DCTN6: variants seen among roughly 807,000 people sequenced by gnomAD.
DCTN6 encodes dynactin subunit 6.
A neutral mutation model predicts 25.8 loss-of-function variants in DCTN6; 15 were observed. That is an observed-to-expected ratio of 0.58 (90% CI 0.39 to 0.89). DCTN6 has a LOEUF of 0.89. Ranked by LOEUF, DCTN6 falls within the 40% of genes least tolerant of loss-of-function variation. The pLI is 0.00. For missense variants in DCTN6, 198 were observed against 237.6 expected, an observed-to-expected ratio of 0.83 and a Z score of 1.09; for synonymous variants, 64 against 78.3, an observed-to-expected ratio of 0.82 and a Z score of 0.96.
At chr8:30,180,312 AC>A (rs1206669822) in intron 5 of DCTN6, among the ~76,000 whole-genome samples, 175 bp from the exon 6 acceptor site, 1 of 152,182 alleles carries the variant, frequency 6.6e-6, no homozygotes, top group Non-Finnish European at 1.5e-5. Flanking sequence ...AATTCATCTG[AC>A]CCTGGCTTGT....
chr8:30,168,526 A>G (rs972892056), intron 2 of DCTN6, among the ~76,000 whole-genome samples: 2 of 152,208 alleles, frequency 1.3e-5, no homozygotes, highest in Non-Finnish European at 2.9e-5. Context: ...TTAAGTAGCA[A>G]TAAACTGTTG....
Position 30,183,232 on chromosome 8 carries a change from C to A in DCTN6, c.*59C>A, listed in dbSNP as rs1244198606. The A allele has an allele frequency of 7.2e-7, 1 of 1,385,908 alleles. No individual in the cohort carries two copies. The highest frequency in any genetic ancestry group is 1.4e-5 in the African/African-American group (1 of 69,886). The allele number at this position is 1,385,908 out of a possible 1,614,324, so 85.9% of individuals were successfully genotyped here. ...TTTGACCACTGTCTTTTGAATGGGC[C>A]CACAGTGTTTATGTACTCTTAACAA... On this transcript the variant is annotated 3_prime_UTR_variant, in exon 7 of 7. Coordinates refer to ENST00000221114, the MANE Select transcript of DCTN6 (RefSeq NM_006571.4).
chr8:30,174,335 T>G (rs1803803268), intron 2 of DCTN6, among the ~76,000 whole-genome samples: 2 of 152,142 alleles, frequency 1.3e-5, no homozygotes, highest in African/African-American at 4.8e-5. Context: ...TTCTCCTTTT[T>G]TTTTTTTCTT....
chr8:30,177,595 A>T, intron 4 of DCTN6: 1 of 154,272 alleles, frequency 6.5e-6, no homozygotes, highest in South Asian at 2.0e-4. Context: ...TGCACGCCTG[A>T]AATTCCAGTT....
In DCTN6 at chr8:30,180,565, A is replaced by G. The variant is rs138481821; in HGVS notation, c.409A>G (p.Ile137Val). 1.4e-4 allele frequency: 232 copies of G among 1,614,094 alleles called. No individual in the cohort carries two copies. The African/African-American group carries it at 2.7e-3, about 19-fold the overall frequency. The stretch of plus-strand genomic sequence containing the variant: ...TTGCAACCTAAATACATTTGAAGTC[A>G]TCCCTGAGAATACGGTGATCTATGG... ...ACCNLNTFEV[I>V]PENTVIYGAD... is the part of the protein sequence containing the mutation. The change falls in exon 6 of 7, where the codon ATC (isoleucine) becomes GTC (valine). Residue 137 changes from isoleucine (I) to valine (V), a missense_variant. Ile to Val is a conservative substitution (Grantham distance 29). Transcript: ENST00000221114.
At position 30,171,328 on chromosome 8, in the gene DCTN6, T is replaced by C. The variant is rs112725318; in HGVS notation, c.89-3757T>C. Among the ~76,000 whole-genome samples, 291 of 152,092 alleles carry C rather than the reference T, an allele frequency of 1.9e-3. 4 individuals are homozygous for C. Among genetic ancestry groups the C allele is most frequent in the African/African-American group, 6.8e-3 (284 of 41,488 alleles). Reference sequence around the variant, plus strand: ...ACAGTGGTACAATCATTGTTCCCTGTAGCCTCGAACCCCTGGACTCAAGCA... The same window carrying C: ...ACAGTGGTACAATCATTGTTCCCTGCAGCCTCGAACCCCTGGACTCAAGCA... On this transcript the variant is annotated intron_variant, in intron 2 of 6. Coordinates refer to ENST00000221114, the MANE Select transcript of DCTN6 (RefSeq NM_006571.4).
chr8:30,170,984 T>G (rs565538714), intron 2 of DCTN6, among the ~76,000 whole-genome samples: 2 of 152,128 alleles, frequency 1.3e-5, no homozygotes, highest in Non-Finnish European at 2.9e-5. Flanking sequence ...GTGAAAAAAA[T>G]TTTTAAAAAT....
intron 2 of DCTN6, among the ~76,000 whole-genome samples, chr8:30,171,710 G>GGT (rs1803766797): frequency 6.6e-6 from 1 of 152,126 alleles, no homozygotes; most frequent in South Asian, 2.1e-4. Flanking sequence ...TTTCTTCTGT[G>GGT]TCCCAGACCA....
At chr8:30,162,703 CAAT>C (rs1803612423) in intron 1 of DCTN6, among the ~76,000 whole-genome samples, 2 of 152,008 alleles carry the variant, frequency 1.3e-5, no homozygotes, top group Admixed American at 1.3e-4. Context: ...AAAAAAGCAT[CAAT>C]AAGTTATATG....
chr8:30,172,971 G>A (rs913598358), intron 2 of DCTN6, among the ~76,000 whole-genome samples: 1 of 152,128 alleles, frequency 6.6e-6, no homozygotes, highest in African/African-American at 2.4e-5. Context: ...AACTTGAGAA[G>A]CTTCCCAGGG....
At chr8:30,161,203 GGT>G (rs1418786305) in intron 1 of DCTN6, among the ~76,000 whole-genome samples, 1 of 152,116 alleles carries the variant, frequency 6.6e-6, no homozygotes, top group African/African-American at 2.4e-5. Flanking sequence ...TTGTGAAGAA[GGT>G]GTCTGCTTCC....
At chr8:30,156,843 C>G (rs1293703927) in intron 1 of DCTN6, among the ~76,000 whole-genome samples, 1 of 152,172 alleles carries the variant, frequency 6.6e-6, no homozygotes, top group Non-Finnish European at 1.5e-5. Flanking sequence ...CAGTGCTGGC[C>G]GCACCCCAGG....
intron 2 of DCTN6, among the ~76,000 whole-genome samples, chr8:30,171,444 G>A (rs1803763321): frequency 6.6e-6 from 1 of 152,084 alleles, no homozygotes; most frequent in Non-Finnish European, 1.5e-5. Flanking sequence ...ATTTTGTAGA[G>A]AAGGGGGTCT....
chr8:30,177,247 C>T (rs377745434), intron 4 of DCTN6, 33 bp downstream of exon 4: 3 of 1,561,880 alleles, frequency 1.9e-6, no homozygotes, highest in African/African-American at 2.7e-5. Context: ...ATAAATAATT[C>T]CTGGCTCTCC....
chr8:30,175,744 T>TATGAAA (rs1803824764), intron 3 of DCTN6, among the ~76,000 whole-genome samples: 1 of 152,182 alleles, frequency 6.6e-6, no homozygotes, highest in Non-Finnish European at 1.5e-5. Context: ...AACTAGACTG[T>TATGAAA]AATACGTATG....
chr8:30,183,368 A>G lies in DCTN6; in HGVS notation c.*195A>G. On this transcript the variant is annotated 3_prime_UTR_variant, in exon 7 of 7. Coordinates refer to ENST00000221114, the MANE Select transcript of DCTN6 (RefSeq NM_006571.4). Reference sequence around the variant, plus strand: ...ATTTATATAAATGTATTATTTTCCTATATCCTTGGTTCTTTTCTGATAATT... The same window carrying G: ...ATTTATATAAATGTATTATTTTCCTGTATCCTTGGTTCTTTTCTGATAATT... 1 of 416,768 alleles carries G rather than the reference A, an allele frequency of 2.4e-6. No individual in the cohort carries two copies. Among genetic ancestry groups the G allele is most frequent in the Middle Eastern group, 6.7e-4 (1 of 1,500 alleles). The allele number at this position is 416,768 out of a possible 1,614,324, so 25.8% of individuals were successfully genotyped here.
chr8:30,162,107 C>A (rs548925498), intron 1 of DCTN6, among the ~76,000 whole-genome samples: 1 of 146,624 alleles, frequency 6.8e-6, no homozygotes, highest in Admixed American at 6.9e-5. Context: ...CTTTTCTTTT[C>A]GAGATGGAGT....
chr8:30,176,238 A>C (rs1378696693), intron 3 of DCTN6, among the ~76,000 whole-genome samples: 1 of 152,220 alleles, frequency 6.6e-6, no homozygotes, highest in Non-Finnish European at 1.5e-5. Flanking sequence ...TGAATTTAAA[A>C]AATAAAGTAG....
intron 2 of DCTN6, among the ~76,000 whole-genome samples, chr8:30,173,855 T>C (rs1803796200): frequency 6.6e-6 from 1 of 151,720 alleles, no homozygotes. Flanking sequence ...AGTTACTTCA[T>C]CTGCACTTGT....
Sources: gnomAD v4.1 joint callset for allele counts (sites outside exome capture counted in the v4.1 genomes callset) on GRCh38, gnomAD v4.1.1 for gene constraint, MANE v1.5 for transcripts, NCBI Gene and HGNC (gene_info 2026-07-23, HGNC 2026-07-21) for gene names.